Variants in SMARCC2 observed in about 807,000 individuals in gnomAD.
The protein encoded by SMARCC2 is SWI/SNF complex subunit SMARCC2.
Under a neutral mutation model 151.3 loss-of-function variants are expected in SMARCC2, and 15 were observed. That is an observed-to-expected ratio of 0.10 (90% CI 0.07 to 0.15). The LOEUF is 0.15. Ranked by LOEUF, SMARCC2 falls within the 10% of genes least tolerant of loss-of-function variation. The pLI is 1.00. For synonymous variants in SMARCC2, 590 were observed against 609.5 expected (o/e 0.97, Z 0.47); for missense variants, 1,031 against 1,599.7 (o/e 0.64, Z 6.06).
chr12:56,185,386 T>C (rs561801759), intron 3 of SMARCC2: 35 of 370,498 alleles, frequency 9.4e-5, no homozygotes, highest in Non-Finnish European at 1.4e-4. Flanking sequence ...TTTCACCATA[T>C]TGGTCAAACT....
At position 56,165,558 on chromosome 12, in the gene SMARCC2, G is replaced by C; in HGVS notation, c.2992C>G (p.Pro998Ala). The change falls in exon 27 of 29, where the codon CCA becomes GCA. Residue 998 changes from proline to alanine, a missense_variant. Pro to Ala is a conservative substitution (Grantham distance 27). Coordinates refer to ENST00000550164, the MANE Select transcript of SMARCC2 (RefSeq NM_001330288.2). ...GTTGGGGGGATAGGCTGGGAGCCTG[G>C]GGGCAGGGCTGGTGGTGGCTGCTGC... ...QQQQPPPALP[P>A]GSQPIPPTGA... The C allele has an allele frequency of 6.2e-7, 1 of 1,613,072 alleles. No individual in the cohort carries two copies.
At position 56,165,474 on chromosome 12, in the gene SMARCC2, G is replaced by A. The variant is rs773956373; in HGVS notation, c.3076C>T (p.Pro1026Ser). The A allele has an allele frequency of 9.6e-6, 15 of 1,560,300 alleles. No individual in the cohort carries two copies. Among genetic ancestry groups the A allele is most frequent in the South Asian group, 6.0e-5 (5 of 82,778 alleles). ...GLAVAPASVV[P>S]APAGSGAPPG... ...GGGGCCCCACTGCCAGCAGGAGCAGGGACTACAGAGGCTGGAGCCACAGCC... is the reference window on the plus strand; with the variant it reads ...GGGGCCCCACTGCCAGCAGGAGCAGAGACTACAGAGGCTGGAGCCACAGCC... Residue 1026 changes from proline (P) to serine (S), a missense_variant, in exon 27 of 29, where the codon CCT becomes TCT. Pro to Ser is a moderately conservative substitution (Grantham distance 74). Coordinates refer to ENST00000550164, the MANE Select transcript of SMARCC2 (RefSeq NM_001330288.2).
intron 18 of SMARCC2, 48 bp from the exon 19 acceptor site, chr12:56,172,752 G>C: frequency 1.2e-6 from 2 of 1,609,986 alleles, no homozygotes; most frequent in South Asian, 2.2e-5. Context: ...ACCACCGGGA[G>C]CCAGGGGCTG....
At chr12:56,167,908 A>T in intron 26 of SMARCC2, 152 bp downstream of exon 26, 1 of 845,566 alleles carries the variant, frequency 1.2e-6, no homozygotes, top group Non-Finnish European at 1.8e-6. Flanking sequence ...ACACACACAC[A>T]CACTCAGGCT....
At chr12:56,179,962 G>A (rs1448266707) in intron 11 of SMARCC2, among the ~76,000 whole-genome samples, 1 of 152,076 alleles carries the variant, frequency 6.6e-6, no homozygotes, top group Non-Finnish European at 1.5e-5. Flanking sequence ...TGGGATTACA[G>A]GCGTAAGCCA....
At chr12:56,189,268 G>A (rs1474501160) in intron 1 of SMARCC2, 83 bp downstream of exon 1, 5 of 779,892 alleles carry the variant, frequency 6.4e-6, no homozygotes, top group Middle Eastern at 3.5e-4. Flanking sequence ...GCGCCTGGAG[G>A]GTAGGCAGGA....
chr12:56,184,619 G>A (rs980419717), intron 5 of SMARCC2: 2 of 561,382 alleles, frequency 3.6e-6, no homozygotes, highest in African/African-American at 1.9e-5. Context: ...TTTTTCCCCA[G>A]GCCAACATAG....
At chr12:56,170,661 C>T (rs921487563) in intron 22 of SMARCC2, among the ~76,000 whole-genome samples, 4 of 151,776 alleles carry the variant, frequency 2.6e-5, no homozygotes, top group African/African-American at 7.3e-5. Context: ...ACCATCTGCC[C>T]ACCTCAGCCT....
intron 15 of SMARCC2, among the ~76,000 whole-genome samples, chr12:56,177,234 A>G (rs1282021829): frequency 1.3e-5 from 2 of 151,996 alleles, no homozygotes; most frequent in South Asian, 4.1e-4. Context: ...GTGAGCCACC[A>G]CACCCAGCCT....
rs1429839394 is a variant in SMARCC2, at chr12:56,163,276, GTTAT to G, written c.*409_*412del. 1 of 150,684 alleles carries G rather than the reference GTTAT, an allele frequency of 6.6e-6. No homozygotes were observed. The highest frequency in any genetic ancestry group is 2.5e-5 in the African/African-American group (1 of 40,526). 9.3% of individuals were successfully genotyped at this position (150,684 alleles called of 1,614,324 possible). On this transcript the variant is annotated 3_prime_UTR_variant, in exon 29 of 29. Coordinates refer to ENST00000550164, the MANE Select transcript of SMARCC2 (RefSeq NM_001330288.2). ...TCCCCCTCAAAAAATGTAAAAATTG[GTTAT>G]TTTTTAGTGGGTAGAAGGGAGCTCC...
chr12:56,181,236 A>T, intron 10 of SMARCC2, 135 bp from the exon 11 acceptor site: 1 of 856,638 alleles, frequency 1.2e-6, no homozygotes, highest in Non-Finnish European at 1.8e-6. Flanking sequence ...CAGTAATCAC[A>T]CAGTAATGGG....
chr12:56,184,095 A>C (rs1876782430), intron 6 of SMARCC2, 80 bp downstream of exon 6: 1 of 1,139,138 alleles, frequency 8.8e-7, no homozygotes, highest in Non-Finnish European at 1.3e-6. Context: ...GGAGGAGCCC[A>C]GGTACTGAAT....
chr12:56,168,036 G>T (rs1301857378), intron 26 of SMARCC2, 24 bp downstream of exon 26: 32 of 1,609,374 alleles, frequency 2.0e-5, no homozygotes, highest in Admixed American at 3.4e-5. Flanking sequence ...AGCGCAGCAG[G>T]GTTCCAGGGC....
At chr12:56,177,924 G>C in intron 15 of SMARCC2, 98 bp downstream of exon 15, 1 of 851,392 alleles carries the variant, frequency 1.2e-6, no homozygotes, top group Non-Finnish European at 1.9e-6. Flanking sequence ...CATGGAAGAT[G>C]CTCAAGAAAT....
At chr12:56,181,411 T>G (rs1169846464) in intron 10 of SMARCC2, 71 bp downstream of exon 10, 1 of 988,186 alleles carries the variant, frequency 1.0e-6, no homozygotes, top group Non-Finnish European at 1.5e-6. Flanking sequence ...TAGGAAGGGA[T>G]TTGTCTTTCC....
chr12:56,184,365 C>A, intron 5 of SMARCC2, 121 bp from the exon 6 acceptor site: 1 of 679,486 alleles, frequency 1.5e-6, no homozygotes, highest in Non-Finnish European at 2.6e-6. Context: ...AGTTTGTATT[C>A]TCTAAGCACA....
At chr12:56,181,636 T>G in intron 9 of SMARCC2, 39 bp from the exon 10 acceptor site, 1 of 1,611,658 alleles carries the variant, frequency 6.2e-7, no homozygotes, top group Non-Finnish European at 8.5e-7. Flanking sequence ...CAGCCTACAA[T>G]CCCCACTGAA....
In SMARCC2 at chr12:56,169,590, C is replaced by T; in HGVS notation, c.2654G>A (p.Gly885Asp). ...AGCAGCGGTGGAGAGGTTGCCCTCG[C>T]CAATGTCCCGCTCCACCTTTGTCTT... Reference protein sequence around the residue: ...ERKTKVERDIGEGNLSTAAAA... With the variant: ...ERKTKVERDIDEGNLSTAAAA... Residue 885 changes from glycine (G) to aspartate (D), a missense_variant, in exon 25 of 29, where the codon GGC becomes GAC. By Grantham distance (94) the Gly-to-Asp change is moderately conservative. Around this residue, in one of 12 missense-constraint regions of SMARCC2, gnomAD observed 49 missense variants for 134.8 expected, o/e 0.36. Coordinates refer to ENST00000550164, the MANE Select transcript of SMARCC2 (RefSeq NM_001330288.2). 6.2e-7 allele frequency: 1 copy of T among 1,614,122 alleles called. No individual in the cohort carries two copies. Among genetic ancestry groups the T allele is most frequent in the Non-Finnish European group, 8.5e-7 (1 of 1,180,006 alleles).
At position 56,163,645 on chromosome 12, in the gene SMARCC2, T is replaced by G; in HGVS notation, c.*44A>C. ...GGGGGAAGGGCTGTTCCTGGAACCGTGATGTCCACAGGGGGTGAGGGGGAG... is the reference window on the plus strand; with the variant it reads ...GGGGGAAGGGCTGTTCCTGGAACCGGGATGTCCACAGGGGGTGAGGGGGAG... On this transcript the variant is annotated 3_prime_UTR_variant, in exon 29 of 29. Coordinates refer to ENST00000550164, the MANE Select transcript of SMARCC2 (RefSeq NM_001330288.2). The G allele has an allele frequency of 8.8e-7, 1 of 1,141,084 alleles. No individual in the cohort carries two copies. The highest frequency in any genetic ancestry group is 1.2e-6 in the Non-Finnish European group (1 of 822,428). 70.7% of individuals were successfully genotyped at this position (1,141,084 alleles called of 1,614,324 possible). A position where few individuals can be genotyped will look rare whatever the true frequency, so the allele number is the denominator to read the frequency against.
Sources: allele counts gnomAD v4.1 joint callset (sites outside exome capture counted in the v4.1 genomes callset), GRCh38; gene constraint gnomAD v4.1.1; regional missense constraint gnomAD v4.1.1; transcripts MANE v1.5; gene names NCBI Gene and HGNC (gene_info 2026-07-23, HGNC 2026-07-21).